EIF2D: variants seen among roughly 807,000 people sequenced by gnomAD.
The protein encoded by EIF2D is eukaryotic translation initiation factor 2D, also known as hepatocellular carcinoma-associated antigen 56.
EIF2D carries 56 observed loss-of-function variants against 77.4 expected under a neutral mutation model. The observed-to-expected ratio is 0.72, with a 90% CI of 0.58 to 0.90. EIF2D has a LOEUF of 0.90. Among genes scored for constraint, EIF2D ranks in the 40% least tolerant of loss-of-function variants. The pLI, the probability that EIF2D is intolerant of heterozygous loss-of-function variation, is 0.00. For missense variants in EIF2D, 574 were observed against 706.5 expected (o/e 0.81, Z 2.13); for synonymous variants, 230 against 271.0 (o/e 0.85, Z 1.49).
At chr1:206,587,257 A>ACCGAGATCTAC, downstream of EIF2D, 1 of 403,850 alleles carries the variant, frequency 2.5e-6, no homozygotes, top group South Asian at 2.2e-5. Flanking sequence ...GCCTTTCACC[A>ACCGAGATCTAC]ACCAAATAGT....
chr1:206,584,564 C>G lies in EIF2D; in HGVS notation c.139-3402G>C. 1 of 1,614,216 alleles carries G rather than the reference C, an allele frequency of 6.2e-7. No homozygotes were observed. Among genetic ancestry groups the G allele is most frequent in the African/African-American group, 1.3e-5 (1 of 75,038 alleles). On this transcript the variant is annotated intron_variant and NMD_transcript_variant, in intron 2 of 5. Coordinates refer to the EIF2D transcript ENST00000472709. The surrounding 1 kb of genome is among the most constrained non-coding windows in gnomAD (Gnocchi z 4.9). Reference sequence around the variant, plus strand: ...CCTGCCCCTAGATGCCATCAAGCAGCTGCACATCAGCAGCACCACCACCGT... The same window carrying G: ...CCTGCCCCTAGATGCCATCAAGCAGGTGCACATCAGCAGCACCACCACCGT...
chr1:206,590,625 C>T (rs1669311629), downstream of EIF2D, among the ~76,000 whole-genome samples: 2 of 152,142 alleles, frequency 1.3e-5, no homozygotes, highest in South Asian at 4.1e-4. Context: ...GGAGTTTACT[C>T]ATGAGTAAAA....
chr1:206,584,717 C>T lies in EIF2D; in HGVS notation c.139-3555G>A. On this transcript the variant is annotated intron_variant and NMD_transcript_variant, in intron 2 of 5. Coordinates refer to the EIF2D transcript ENST00000472709. The surrounding 1 kb of genome is among the most constrained non-coding windows in gnomAD (Gnocchi z 4.9). The stretch of plus-strand genomic sequence containing the variant: ...AAAGAGTGAACCCAACCAGACCGTT[C>T]CCTTCCTACCTGTGTCCAAGCCCAC... 1 of 1,611,472 alleles carries T rather than the reference C, an allele frequency of 6.2e-7. No homozygotes were observed. Among genetic ancestry groups the T allele is most frequent in the Non-Finnish European group, 8.5e-7 (1 of 1,178,182 alleles).
In EIF2D at chr1:206,579,528, T is replaced by C. The variant is rs1668787257; in HGVS notation, c.*254+1164A>G. Among the ~76,000 whole-genome samples, 1 of 151,970 alleles carries C rather than the reference T, an allele frequency of 6.6e-6. No homozygotes were observed. The highest frequency in any genetic ancestry group is 1.5e-5 in the Non-Finnish European group (1 of 68,020). On this transcript the variant is annotated intron_variant and NMD_transcript_variant, in intron 4 of 5. Coordinates refer to the EIF2D transcript ENST00000472709. This position sits in a 1 kb window ranked among gnomAD's most constrained non-coding sequence, Gnocchi z 4.2. ...GTGCCTGTTAGGTAAACCTTTGGGG[T>C]GTTTGTGTGTTTCTTGGCACCAAGT...
Position 206,592,974 on chromosome 1 carries a change from C to A in EIF2D, c.1684+645G>T, listed in dbSNP as rs1413885167. Among the ~76,000 whole-genome samples, 1 of 151,952 alleles carries A rather than the reference C, an allele frequency of 6.6e-6. No individual in the cohort carries two copies. Among genetic ancestry groups the A allele is most frequent in the Non-Finnish European group, 1.5e-5 (1 of 67,996 alleles). Reference sequence around the variant, plus strand: ...AAAATTAGCTGGCCGTGGTGGCATGCGCCTATAATCCCAGCTACTCGGGAG... The same window carrying A: ...AAAATTAGCTGGCCGTGGTGGCATGAGCCTATAATCCCAGCTACTCGGGAG... On this transcript the variant is annotated intron_variant, in intron 14 of 14. Coordinates refer to ENST00000271764, the MANE Select transcript of EIF2D (RefSeq NM_006893.3). This position sits in a 1 kb window ranked among gnomAD's most constrained non-coding sequence, Gnocchi z 4.7.
chr1:206,593,540 T>G, intron 14 of EIF2D, 79 bp downstream of exon 14: 3 of 1,086,322 alleles, frequency 2.8e-6, no homozygotes, highest in Admixed American at 1.9e-5. Context: ...TGTGTGTGTG[T>G]GTATTATGCA....
Position 206,599,771 on chromosome 1 carries a change from C to G in EIF2D, c.1014G>C (p.Gly338=). 1 of 1,614,196 alleles carries G rather than the reference C, an allele frequency of 6.2e-7. No individual in the cohort carries two copies. The highest frequency in any genetic ancestry group is 8.5e-7 in the Non-Finnish European group (1 of 1,180,026). Residue 338 remains glycine, a synonymous_variant, in exon 9 of 15, where the codon GGG becomes GGC. Transcript: ENST00000271764. The surrounding 1 kb of genome is among the most constrained non-coding windows in gnomAD (Gnocchi z 4.1). ...QIIQVKELSK[G]VESIVAVDWK... is the part of the protein sequence containing the mutation. ...AGTCCACAGCCACAATGCTCTCCAC[C>G]CCTTTGCTCAGCTCCTTCACCTGTA...
intron 4 of EIF2D, among the ~76,000 whole-genome samples, 199 bp from the exon 5 acceptor site, chr1:206,605,706 T>C (rs1229222469): frequency 6.6e-6 from 1 of 152,240 alleles, no homozygotes; most frequent in African/African-American, 2.4e-5. Context: ...CTTGACCAAA[T>C]ATTAAACTAA....
At chr1:206,590,182 A>T (rs1347849248), downstream of EIF2D, among the ~76,000 whole-genome samples, 1 of 152,100 alleles carries the variant, frequency 6.6e-6, no homozygotes, top group Non-Finnish European at 1.5e-5. Flanking sequence ...AGGGAAGATG[A>T]CTCAATGCAA....
intron 2 of EIF2D, chr1:206,583,285 TGGA>T (rs1668967495): frequency 1.9e-6 from 3 of 1,612,484 alleles, no homozygotes; most frequent in South Asian, 2.2e-5. Flanking sequence ...TGTAAACCTG[TGGA>T]GGAGACACAG....
chr1:206,584,465 C>T lies in EIF2D; in HGVS notation c.139-3303G>A, dbSNP rs782709734. ...GCCTGTGACGGTGCCTGCTGGGATC[C>T]GGCCCCAGTCCATCTATGATGCCAT... On this transcript the variant is annotated intron_variant and NMD_transcript_variant, in intron 2 of 5. Coordinates refer to the EIF2D transcript ENST00000472709. This position sits in a 1 kb window ranked among gnomAD's most constrained non-coding sequence, Gnocchi z 4.9. 13 of 1,614,156 alleles carry T rather than the reference C, an allele frequency of 8.1e-6. No individual in the cohort carries two copies. Among genetic ancestry groups the T allele is most frequent in the South Asian group, 1.1e-5 (1 of 91,080 alleles).
At chr1:206,600,462 G>C (rs1347243697) in intron 7 of EIF2D, 154 bp from the exon 8 acceptor site, 1 of 648,870 alleles carries the variant, frequency 1.5e-6, no homozygotes, top group Non-Finnish European at 2.7e-6. Context: ...TGACAGCAGA[G>C]AGGGATGCAG....
At position 206,599,680 on chromosome 1, in the gene EIF2D, G is replaced by A. The variant is rs1256662314; in HGVS notation, c.1052+53C>T. The A allele has an allele frequency of 1.2e-6, 2 of 1,612,556 alleles. No individual in the cohort carries two copies. Among genetic ancestry groups the A allele is most frequent in the African/African-American group, 2.7e-5 (2 of 74,838 alleles). ...GCATCTCAGCAATCCCCAGTCCGTGGCCCAGGTGCCCTGGGGCCAGCTGGG... is the reference window on the plus strand; with the variant it reads ...GCATCTCAGCAATCCCCAGTCCGTGACCCAGGTGCCCTGGGGCCAGCTGGG... On this transcript the variant is annotated intron_variant, in intron 9 of 14. Coordinates refer to ENST00000271764, the MANE Select transcript of EIF2D (RefSeq NM_006893.3). The surrounding 1 kb of genome is among the most constrained non-coding windows in gnomAD (Gnocchi z 4.1).
intron 2 of EIF2D, among the ~76,000 whole-genome samples, chr1:206,583,948 A>G (rs1303170361): frequency 6.6e-6 from 1 of 152,162 alleles, no homozygotes; most frequent in African/African-American, 2.4e-5. Flanking sequence ...TTTAAGTCTT[A>G]AAGGCTGTTT....
At chr1:206,585,338 CTGGGTGGGTG>C (rs782378173) in intron 2 of EIF2D, 1 of 1,482,158 alleles carries the variant, frequency 6.7e-7, no homozygotes, top group African/African-American at 1.4e-5. Context: ...TTAGGGCACC[CTGGGTGGGTG>C]CAGGTGGGTG....
At chr1:206,585,691 C>T (rs901050019) in intron 2 of EIF2D, 1 of 162,618 alleles carries the variant, frequency 6.1e-6, no homozygotes, top group African/African-American at 2.4e-5. Flanking sequence ...CATTTGTCCT[C>T]CCTTTTCTTG....
rs1669048279 is a variant in EIF2D at position 206,584,896 on chromosome 1, C to G, written c.139-3734G>C. On this transcript the variant is annotated intron_variant and NMD_transcript_variant, in intron 2 of 5. Coordinates refer to the EIF2D transcript ENST00000472709. This position sits in a 1 kb window ranked among gnomAD's most constrained non-coding sequence, Gnocchi z 4.9. ...TGCATGTGACTTCAGGAAAACCACA[C>G]CCTAGGCTCCCATTTCCTGATCTGT... is the stretch of plus-strand genomic sequence containing the variant. The G allele has an allele frequency of 1.7e-6, 1 of 605,320 alleles. No individual in the cohort carries two copies. The highest frequency in any genetic ancestry group is 1.9e-5 in the African/African-American group (1 of 53,990). The allele number at this position is 605,320 out of a possible 1,614,324, so 37.5% of individuals were successfully genotyped here.
intron 12 of EIF2D, among the ~76,000 whole-genome samples, chr1:206,596,808 C>A (rs1388368495): frequency 2.6e-5 from 4 of 152,134 alleles, no homozygotes; most frequent in Admixed American, 1.3e-4. Flanking sequence ...GCCTCCGCCT[C>A]CCAAAGTGCT....
Position 206,592,777 on chromosome 1 carries a change from G to A in EIF2D, c.1684+842C>T, listed in dbSNP as rs1669407197. Among the ~76,000 whole-genome samples the A allele has an allele frequency of 1.3e-5, 2 of 152,190 alleles. No homozygotes were observed. The highest frequency in any genetic ancestry group is 2.9e-5 in the Non-Finnish European group (2 of 68,026). ...GCTGGTTTGAAGTGAGGAAAAACGG[G>A]AGGCTGGGTTACCCAGAGTTAGTAG... On this transcript the variant is annotated intron_variant, in intron 14 of 14. Transcript: ENST00000271764. The surrounding 1 kb of genome is among the most constrained non-coding windows in gnomAD (Gnocchi z 4.7).
Sources: allele counts gnomAD v4.1 joint callset (sites outside exome capture counted in the v4.1 genomes callset), GRCh38; gene constraint gnomAD v4.1.1; non-coding constraint Gnocchi (gnomAD v3.1); transcripts MANE v1.5; gene names NCBI Gene and HGNC (gene_info 2026-07-23, HGNC 2026-07-21).